The following CTNND2 variants were observed in gnomAD, a reference collection of about 807,000 sequenced individuals.
CTNND2 encodes the protein catenin delta-2.
CTNND2 carries 22 observed loss-of-function variants against 144.4 expected under a neutral mutation model. The observed-to-expected ratio is 0.15, with a 90% CI of 0.11 to 0.22. CTNND2 has a LOEUF of 0.22. CTNND2 is among the 10% of genes least tolerant of loss of function. The probability of loss-of-function intolerance (pLI) is 1.00; values close to 1 mark genes in which losing one functional copy is unlikely to be tolerated. For synonymous variants in CTNND2, 751 were observed against 695.6 expected (o/e 1.08, Z -1.25); for missense variants, 1,353 against 1,618.8 (o/e 0.84, Z 2.82).
At chr5:11,263,999 C>T (rs746848679) in intron 9 of CTNND2, among the ~76,000 whole-genome samples, 2 of 152,198 alleles carry the variant, frequency 1.3e-5, no homozygotes, top group South Asian at 2.1e-4. Context: ...TGTAATCTCA[C>T]GTTCACCTTC....
intron 3 of CTNND2, among the ~76,000 whole-genome samples, chr5:11,461,340 A>C (rs1462044841): frequency 6.6e-6 from 1 of 152,170 alleles, no homozygotes; most frequent in Non-Finnish European, 1.5e-5. Flanking sequence ...ACTCGGTCCA[A>C]ACCCAGCCCT....
intron 9 of CTNND2, among the ~76,000 whole-genome samples, chr5:11,305,618 G>A (rs1416315553): frequency 6.6e-6 from 1 of 152,108 alleles, no homozygotes; most frequent in African/African-American, 2.4e-5. Flanking sequence ...TATGAGCCAG[G>A]TGCAGACTTA....
chr5:10,986,767 G>C, intron 20 of CTNND2: 1 of 433,744 alleles, frequency 2.3e-6, no homozygotes, highest in Non-Finnish European at 4.6e-6. Flanking sequence ...AGAAACATCC[G>C]TTTATTATAG....
At chr5:11,253,773 T>G (rs1743918096) in intron 9 of CTNND2, among the ~76,000 whole-genome samples, 1 of 152,224 alleles carries the variant, frequency 6.6e-6, no homozygotes. Flanking sequence ...TAAAATATTT[T>G]TCCTAATCTG....
At chr5:11,116,934 CT>C (rs1753604268) in intron 13 of CTNND2, among the ~76,000 whole-genome samples, 1 of 152,008 alleles carries the variant, frequency 6.6e-6, no homozygotes, top group African/African-American at 2.4e-5. Context: ...TGGTGCACGC[CT>C]GTAATCTTAG....
intron 2 of CTNND2, among the ~76,000 whole-genome samples, chr5:11,613,003 G>A (rs554589098): frequency 1.1e-3 from 171 of 152,224 alleles, no homozygotes; most frequent in Middle Eastern, 3.4e-3. Flanking sequence ...TAATAGAGTC[G>A]CAGAATTTGT....
At chr5:11,013,352 G>A (rs951679955) in intron 18 of CTNND2, among the ~76,000 whole-genome samples, 1 of 152,122 alleles carries the variant, frequency 6.6e-6, no homozygotes, top group African/African-American at 2.4e-5. Context: ...ATTATCTCAT[G>A]TAATTTTCTA....
chr5:11,080,865 C>T (rs1749473416), intron 16 of CTNND2, among the ~76,000 whole-genome samples: 1 of 152,124 alleles, frequency 6.6e-6, no homozygotes, highest in South Asian at 2.1e-4. Context: ...TACCTGAGGT[C>T]AGGAGTTCGA....
At chr5:11,701,971 A>G (rs1451162986) in intron 2 of CTNND2, among the ~76,000 whole-genome samples, 2 of 152,202 alleles carry the variant, frequency 1.3e-5, no homozygotes, top group East Asian at 1.9e-4. Context: ...CACATAACTC[A>G]TCATGGGAAG....
At chr5:11,027,224 C>T (rs1742938063) in intron 16 of CTNND2, 1 of 152,190 alleles carries the variant, frequency 6.6e-6, no homozygotes, top group East Asian at 1.9e-4. Context: ...AGCACATATA[C>T]TAAAATTGGA....
intron 2 of CTNND2, among the ~76,000 whole-genome samples, chr5:11,710,412 C>T (rs756540707): frequency 3.3e-5 from 5 of 151,756 alleles, no homozygotes; most frequent in African/African-American, 4.8e-5. Context: ...TGGTGGCGTG[C>T]GCCTGTAGTC....
At chr5:11,552,902 T>C (rs1775888697) in intron 3 of CTNND2, among the ~76,000 whole-genome samples, 1 of 152,156 alleles carries the variant, frequency 6.6e-6, no homozygotes, top group Non-Finnish European at 1.5e-5. Flanking sequence ...AATATGAACA[T>C]GCATCTTGGT....
At chr5:10,983,478 A>G (rs1394791084) in intron 20 of CTNND2, among the ~76,000 whole-genome samples, 1 of 152,194 alleles carries the variant, frequency 6.6e-6, no homozygotes, top group Non-Finnish European at 1.5e-5. Flanking sequence ...CACTCCACCC[A>G]TGATTTTTTA....
chr5:11,335,648 G>A (rs568662105), intron 9 of CTNND2, among the ~76,000 whole-genome samples: 74 of 152,244 alleles, frequency 4.9e-4, no homozygotes, highest in African/African-American at 6.7e-4. Context: ...ATAGGGTCTG[G>A]CGGCGGGGAA....
chr5:11,550,259 G>T (rs1386384640), intron 3 of CTNND2, among the ~76,000 whole-genome samples: 2 of 152,146 alleles, frequency 1.3e-5, no homozygotes, highest in African/African-American at 2.4e-5. Flanking sequence ...AAAGTCTATG[G>T]TTCCAAACTC....
intron 16 of CTNND2, among the ~76,000 whole-genome samples, chr5:11,052,381 T>G (rs1173675827): frequency 6.6e-6 from 1 of 152,182 alleles, no homozygotes; most frequent in Non-Finnish European, 1.5e-5. Flanking sequence ...ATGGTTTTAT[T>G]ACCATCACTT....
chr5:11,617,242 C>A lies in CTNND2; in HGVS notation c.175-52186G>T, dbSNP rs564536668. On this transcript the variant is annotated intron_variant, in intron 2 of 21. Transcript: ENST00000304623. Reference sequence around the variant, plus strand: ...GAATTCTCTATCTTGGGTTACGACACTGATGTTGGCTTTGAGTCATTGACC... The same window carrying A: ...GAATTCTCTATCTTGGGTTACGACAATGATGTTGGCTTTGAGTCATTGACC... Among the ~76,000 whole-genome samples, 12 of 152,324 alleles carry A rather than the reference C, an allele frequency of 7.9e-5. No individual in the cohort carries two copies. In the South Asian group the frequency reaches 2.5e-3, roughly 32 times the overall value.
At chr5:11,185,457 T>C (rs1317902401) in intron 11 of CTNND2, among the ~76,000 whole-genome samples, 1 of 152,220 alleles carries the variant, frequency 6.6e-6, no homozygotes, top group African/African-American at 2.4e-5. Flanking sequence ...GCAGTCCCAT[T>C]TCCTGACTTC....
intron 3 of CTNND2, among the ~76,000 whole-genome samples, chr5:11,423,620 AT>A (rs1450626247): frequency 6.6e-6 from 1 of 152,150 alleles, no homozygotes; most frequent in African/African-American, 2.4e-5. Context: ...GTGTGATATT[AT>A]GTGCATGAGT....
Sources: allele counts gnomAD v4.1 joint callset (sites outside exome capture counted in the v4.1 genomes callset), GRCh38; gene constraint gnomAD v4.1.1; transcripts MANE v1.5; gene names NCBI Gene and HGNC (gene_info 2026-07-23, HGNC 2026-07-21).